Variants in MAPRE2 observed in about 807,000 individuals in gnomAD.
The protein encoded by MAPRE2 is microtubule-associated protein RP/EB family member 2.
A neutral mutation model predicts 43.2 loss-of-function variants in MAPRE2; 13 were observed. The ratio of observed to expected loss-of-function variants is 0.30; its 90% CI spans 0.20 to 0.48. The LOEUF is 0.48. Ranked by LOEUF, MAPRE2 falls within the 20% of genes least tolerant of loss-of-function variation. The probability of loss-of-function intolerance (pLI) is 0.99; values close to 1 mark genes in which losing one functional copy is unlikely to be tolerated. For missense variants in MAPRE2, 161 were observed against 400.2 expected, an observed-to-expected ratio of 0.40 and a Z score of 5.10; for synonymous variants, 135 against 148.8, an observed-to-expected ratio of 0.91 and a Z score of 0.68.
chr18:34,989,238 T>A (rs942243719), intron 1 of MAPRE2, among the ~76,000 whole-genome samples: 6 of 152,244 alleles, frequency 3.9e-5, no homozygotes, highest in African/African-American at 1.4e-4. Flanking sequence ...CTTGTCTGTA[T>A]TTACATTCAA....
intron 2 of MAPRE2, among the ~76,000 whole-genome samples, chr18:35,092,603 T>C (rs1908203996): frequency 6.6e-6 from 1 of 151,956 alleles, no homozygotes; most frequent in Admixed American, 6.6e-5. Flanking sequence ...AAAGCAAAAA[T>C]AGACAAATAG....
intron 1 of MAPRE2, among the ~76,000 whole-genome samples, chr18:35,069,477 A>G (rs1907001596): frequency 1.3e-5 from 2 of 152,146 alleles, no homozygotes; most frequent in Admixed American, 1.3e-4. Flanking sequence ...CTGGCTTGGT[A>G]GGCTAGGATG....
chr18:35,012,111 G>A (rs906478232), intron 2 of MAPRE2, among the ~76,000 whole-genome samples: 1 of 152,124 alleles, frequency 6.6e-6, no homozygotes, highest in African/African-American at 2.4e-5. Flanking sequence ...GAGTAAGTGG[G>A]GGCTTTGGTG....
chr18:34,980,305 G>A (rs1032983728), intron 1 of MAPRE2, among the ~76,000 whole-genome samples: 1 of 152,114 alleles, frequency 6.6e-6, no homozygotes, highest in African/African-American at 2.4e-5. Flanking sequence ...GATTACAGGA[G>A]TGAGCCACCA....
At chr18:35,074,944 A>AT (rs1242245307) in intron 2 of MAPRE2, among the ~76,000 whole-genome samples, 1 of 152,172 alleles carries the variant, frequency 6.6e-6, no homozygotes, top group South Asian at 2.1e-4. Context: ...GAATTAAACC[A>AT]TTTTTAGATG....
chr18:35,109,145 G>A lies in MAPRE2; in HGVS notation c.610+6986G>A, dbSNP rs1182216757. On this transcript the variant is annotated intron_variant, in intron 4 of 6. Transcript: ENST00000300249. The stretch of plus-strand genomic sequence containing the variant: ...CATCTTGAGTTAATTTTTGTATAAG[G>A]TGTAAGGAAGGGGTTCAGTTTCAGT... 8.5e-5 allele frequency among the ~76,000 whole-genome samples: 13 copies of A among 152,274 alleles called. 1 individual carries two copies. The highest frequency in any genetic ancestry group is 3.9e-4 in the Admixed American group (6 of 15,280).
intron 2 of MAPRE2, among the ~76,000 whole-genome samples, chr18:35,015,928 C>A (rs2097037961): frequency 6.6e-6 from 1 of 151,876 alleles, no homozygotes; most frequent in Admixed American, 6.6e-5. Flanking sequence ...AGAAAAGTAC[C>A]CAATAATTTT....
At chr18:35,130,412 C>G (rs1237132411) in intron 5 of MAPRE2, among the ~76,000 whole-genome samples, 1 of 152,184 alleles carries the variant, frequency 6.6e-6, no homozygotes, top group African/African-American at 2.4e-5. Context: ...CAAGCAGCCA[C>G]ATGGGGGTGT....
intron 1 of MAPRE2, among the ~76,000 whole-genome samples, chr18:34,992,416 G>A (rs946648965): frequency 1.1e-4 from 17 of 152,122 alleles, no homozygotes; most frequent in Admixed American, 1.0e-3. Flanking sequence ...AATTTGAACT[G>A]ATTGTCAAGG....
chr18:35,054,614 G>A (rs1906122451), intron 1 of MAPRE2, among the ~76,000 whole-genome samples: 1 of 152,144 alleles, frequency 6.6e-6, no homozygotes, highest in African/African-American at 2.4e-5. Context: ...TGCCGTGAAC[G>A]GAAGCCAAAT....
upstream of MAPRE2, among the ~76,000 whole-genome samples, chr18:35,039,598 G>C (rs889150877): frequency 1.1e-4 from 17 of 152,274 alleles, no homozygotes; most frequent in East Asian, 3.3e-3. Flanking sequence ...AGGAAAATAA[G>C]TAGGGCCCCT....
At chr18:35,014,688 C>G (rs1189101293) in intron 2 of MAPRE2, among the ~76,000 whole-genome samples, 1 of 152,044 alleles carries the variant, frequency 6.6e-6, no homozygotes, top group African/African-American at 2.4e-5. Flanking sequence ...GGGGACCAAC[C>G]TTAATTATCA....
chr18:35,055,331 C>G (rs1389187394), intron 1 of MAPRE2, among the ~76,000 whole-genome samples: 1 of 152,122 alleles, frequency 6.6e-6, no homozygotes, highest in Non-Finnish European at 1.5e-5. Context: ...TTCATCACGC[C>G]CATCTCTGCC....
chr18:35,028,822 G>T (rs1206062882), intron 2 of MAPRE2, among the ~76,000 whole-genome samples: 1 of 152,230 alleles, frequency 6.6e-6, no homozygotes, highest in Non-Finnish European at 1.5e-5. Flanking sequence ...GACTGGAATT[G>T]TGGGCTGGTG....
chr18:35,118,785 G>T (rs1235106458), intron 4 of MAPRE2, among the ~76,000 whole-genome samples: 1 of 152,128 alleles, frequency 6.6e-6, no homozygotes, highest in Admixed American at 6.5e-5. Context: ...TCTACCTACA[G>T]TATCCCATTC....
At chr18:35,098,125 T>C (rs1458720916) in intron 3 of MAPRE2, among the ~76,000 whole-genome samples, 2 of 152,204 alleles carry the variant, frequency 1.3e-5, no homozygotes, top group Non-Finnish European at 2.9e-5. Context: ...TGCCCTTTTT[T>C]TCTCCCATGA....
intron 1 of MAPRE2, among the ~76,000 whole-genome samples, chr18:34,980,767 A>C (rs962326171): frequency 2.6e-5 from 4 of 152,170 alleles, no homozygotes; most frequent in African/African-American, 9.7e-5. Context: ...CAATCACTTC[A>C]CAAAATTTCA....
chr18:35,059,225 G>A (rs1259261145), intron 1 of MAPRE2, among the ~76,000 whole-genome samples: 3 of 152,144 alleles, frequency 2.0e-5, no homozygotes, highest in African/African-American at 7.2e-5. Flanking sequence ...GGAACTAGAA[G>A]CTGCTGCCCC....
rs149514393 is a variant in MAPRE2 at position 35,008,892 on chromosome 18, T to C, written c.-8+3339T>C. Among the ~76,000 whole-genome samples the C allele has an allele frequency of 2.1e-4, 32 of 152,328 alleles. No individual in the cohort carries two copies. The East Asian group carries it at 4.8e-3, about 23-fold the overall frequency. On this transcript the variant is annotated intron_variant, in intron 2 of 7. Coordinates refer to the MAPRE2 transcript ENST00000413393. ...ACATTTTCAGAAAGCATTTAATTTA[T>C]TCAATAGTATTTACTGAATGATTAC... is the stretch of plus-strand genomic sequence containing the variant.
Sources: gnomAD v4.1 joint callset for allele counts (sites outside exome capture counted in the v4.1 genomes callset) on GRCh38, gnomAD v4.1.1 for gene constraint, MANE v1.5 for transcripts, NCBI Gene and HGNC (gene_info 2026-07-23, HGNC 2026-07-21) for gene names.